The following MITF variants were observed in gnomAD, a reference collection of about 807,000 sequenced individuals.
The protein encoded by MITF is microphthalmia-associated transcription factor.
Under a neutral mutation model 60.5 loss-of-function variants are expected in MITF, and 17 were observed. The ratio of observed to expected loss-of-function variants is 0.28; its 90% CI spans 0.19 to 0.42. The LOEUF (loss-of-function observed/expected upper bound fraction) is 0.42, where lower values mean the gene tolerates loss of function less well. Ranked by LOEUF, MITF falls within the 10% of genes least tolerant of loss-of-function variation. The pLI is 1.00. For missense variants in MITF, 622 were observed against 683.5 expected (o/e 0.91, Z 1.00); for synonymous variants, 260 against 248.5 (o/e 1.05, Z -0.43).
chr3:69,921,176 T>C (rs1253314099), intron 2 of MITF, among the ~76,000 whole-genome samples: 1 of 152,214 alleles, frequency 6.6e-6, no homozygotes, highest in Non-Finnish European at 1.5e-5. Context: ...CCGGCTGATT[T>C]GCTGTTTTAT....
chr3:69,938,296 T>A, intron 3 of MITF: 1 of 1,473,106 alleles, frequency 6.8e-7, no homozygotes, highest in Non-Finnish European at 9.3e-7. Flanking sequence ...AGGACACTTT[T>A]GCCACTTGCT....
At chr3:69,773,131 T>C (rs1437378132) in intron 1 of MITF, among the ~76,000 whole-genome samples, 1 of 152,066 alleles carries the variant, frequency 6.6e-6, no homozygotes, top group Non-Finnish European at 1.5e-5. Flanking sequence ...TGCCAGTATT[T>C]GGGGGCAAAG....
intron 4 of MITF, among the ~76,000 whole-genome samples, chr3:69,940,080 G>A (rs1368180155): frequency 2.0e-5 from 3 of 152,088 alleles, no homozygotes; most frequent in Non-Finnish European, 4.4e-5. Flanking sequence ...TATGTTCCTG[G>A]TACTTTGAAT....
intron 1 of MITF, among the ~76,000 whole-genome samples, chr3:69,752,996 A>G (rs1195414319): frequency 1.3e-5 from 2 of 152,204 alleles, no homozygotes; most frequent in Non-Finnish European, 2.9e-5. Flanking sequence ...AAGTGCTAAC[A>G]TCCAACACAA....
chr3:69,839,704 G>A (rs1048377354), intron 1 of MITF, among the ~76,000 whole-genome samples: 1 of 150,768 alleles, frequency 6.6e-6, no homozygotes, highest in African/African-American at 2.4e-5. Context: ...GAAGGGAACC[G>A]ACTTTCCATT....
At chr3:69,846,089 T>A (rs2063727191) in intron 1 of MITF, among the ~76,000 whole-genome samples, 1 of 151,632 alleles carries the variant, frequency 6.6e-6, no homozygotes, top group Non-Finnish European at 1.5e-5. Flanking sequence ...ACCAAAGGGC[T>A]TTCTCTTTAA....
In MITF at chr3:69,796,494, CTT is replaced by C. The variant is rs767834091; in HGVS notation, c.104+56815_104+56816del. Among the ~76,000 whole-genome samples, 9 of 80,312 alleles carry C rather than the reference CTT, an allele frequency of 1.1e-4. 1 individual carries two copies. Among genetic ancestry groups the C allele is most frequent in the South Asian group, 7.3e-4 (2 of 2,724 alleles). The allele number at this position is 80,312 out of a possible 152,430, so 52.7% of individuals were successfully genotyped here. Reference sequence around the variant, plus strand: ...TGTGAAGCTTACAAACACCGTCTTTCTTTTTTTTTTTTTTTTTTTTTTTGAGA... The same window carrying C: ...TGTGAAGCTTACAAACACCGTCTTTCTTTTTTTTTTTTTTTTTTTTTGAGA... On this transcript the variant is annotated intron_variant, in intron 1 of 9. Coordinates refer to ENST00000352241, the MANE Select transcript of MITF (RefSeq NM_001354604.2).
chr3:69,768,739 CT>C (rs1428349257), intron 1 of MITF, among the ~76,000 whole-genome samples: 14 of 152,290 alleles, frequency 9.2e-5, no homozygotes, highest in African/African-American at 2.4e-4. Flanking sequence ...ATTCCTCCCC[CT>C]AATAGAAATC....
chr3:69,783,433 TTGTA>T (rs1257382473), intron 1 of MITF, among the ~76,000 whole-genome samples: 3 of 151,510 alleles, frequency 2.0e-5, no homozygotes, highest in East Asian at 3.9e-4. Flanking sequence ...AGTCAAGTGT[TTGTA>T]TGTGTGTGTG....
At chr3:69,943,894 C>T (rs2066029919) in intron 5 of MITF, among the ~76,000 whole-genome samples, 1 of 151,996 alleles carries the variant, frequency 6.6e-6, no homozygotes, top group Non-Finnish European at 1.5e-5. Flanking sequence ...AGTTGGAGAT[C>T]AGCCTAGGCA....
chr3:69,939,986 A>G lies in MITF; in HGVS notation c.666+805A>G, dbSNP rs904479685. Among the ~76,000 whole-genome samples the G allele has an allele frequency of 2.6e-5, 4 of 152,356 alleles. No individual in the cohort carries two copies. In the South Asian group the frequency reaches 6.2e-4, roughly 24 times the overall value. On this transcript the variant is annotated intron_variant, in intron 4 of 9. Transcript: ENST00000352241. The stretch of plus-strand genomic sequence containing the variant: ...GTGGTGTCAATAGAAATGGAACCTA[A>G]CAAACAGTGGATAGTAGTTATTCAA...
intron 1 of MITF, among the ~76,000 whole-genome samples, chr3:69,765,743 C>A (rs1210006348): frequency 6.6e-6 from 1 of 152,016 alleles, no homozygotes; most frequent in Non-Finnish European, 1.5e-5. Context: ...TACCATAAGA[C>A]CTTTTAAGCA....
chr3:69,850,581 C>T (rs1380131035), intron 1 of MITF, among the ~76,000 whole-genome samples: 1 of 152,156 alleles, frequency 6.6e-6, no homozygotes, highest in African/African-American at 2.4e-5. Flanking sequence ...AAACAAAAAC[C>T]TGCAAAGGAA....
At chr3:69,814,639 T>C (rs956474832) in intron 1 of MITF, among the ~76,000 whole-genome samples, 2 of 152,132 alleles carry the variant, frequency 1.3e-5, no homozygotes, top group African/African-American at 2.4e-5. Context: ...CTTTTTTAAC[T>C]TGCCAGCTTT....
At chr3:69,927,999 G>A (rs1022809107) in intron 2 of MITF, among the ~76,000 whole-genome samples, 3 of 152,130 alleles carry the variant, frequency 2.0e-5, no homozygotes, top group South Asian at 2.1e-4. Context: ...TGGGGCCGTC[G>A]GGTCCATTAC....
At chr3:69,912,184 C>T (rs1355844702) in intron 2 of MITF, among the ~76,000 whole-genome samples, 9 of 152,168 alleles carry the variant, frequency 5.9e-5, no homozygotes, top group Non-Finnish European at 1.3e-4. Context: ...AAGAAAATCA[C>T]ACAAAGTTAT....
chr3:69,920,741 C>A (rs773336461), intron 2 of MITF, among the ~76,000 whole-genome samples: 8 of 152,186 alleles, frequency 5.3e-5, no homozygotes, highest in Non-Finnish European at 1.2e-4. Flanking sequence ...TTCGGGGCCA[C>A]TACCGGTCTC....
chr3:69,807,443 G>A (rs906301679), intron 1 of MITF, among the ~76,000 whole-genome samples: 1 of 152,188 alleles, frequency 6.6e-6, no homozygotes, highest in African/African-American at 2.4e-5. Context: ...GCAGATTCGT[G>A]AACTGTGCTT....
intron 1 of MITF, among the ~76,000 whole-genome samples, chr3:69,758,290 C>T (rs539404658): frequency 5.3e-5 from 8 of 151,834 alleles, no homozygotes; most frequent in African/African-American, 1.7e-4. Context: ...CTGCCTCAGC[C>T]TCTCAGGTAG....
Sources: gnomAD v4.1 joint callset for allele counts (sites outside exome capture counted in the v4.1 genomes callset) on GRCh38, gnomAD v4.1.1 for gene constraint, MANE v1.5 for transcripts, NCBI Gene and HGNC (gene_info 2026-07-23, HGNC 2026-07-21) for gene names.